The following CADM2 variants were observed in gnomAD, a reference collection of about 807,000 sequenced individuals.
CADM2 encodes the protein cell adhesion molecule 2.
CADM2 carries 12 observed loss-of-function variants against 49.8 expected under a neutral mutation model. That is an observed-to-expected ratio of 0.24 (90% confidence interval 0.15 to 0.39). The LOEUF is 0.39. CADM2 is among the 10% of genes least tolerant of loss of function. The pLI is 1.00. For synonymous variants in CADM2, 214 were observed against 175.4 expected, an observed-to-expected ratio of 1.22 and a Z score of -1.74; for missense variants, 378 against 492.3, an observed-to-expected ratio of 0.77 and a Z score of 2.20.
At chr3:85,048,127 T>C (rs2035737955) in intron 1 of CADM2, among the ~76,000 whole-genome samples, 1 of 152,082 alleles carries the variant, frequency 6.6e-6, no homozygotes, top group Non-Finnish European at 1.5e-5. Flanking sequence ...ATTCAGCATG[T>C]TAAGTGCCAA....
chr3:85,740,704 G>A (rs7612213), intron 2 of CADM2, among the ~76,000 whole-genome samples: 23,853 of 152,070 alleles, frequency 0.16, 2,363 homozygotes, highest in Non-Finnish European at 0.21. Flanking sequence ...TTCAAGTCCC[G>A]AAACATCAGC....
At chr3:85,767,471 T>C (rs2069716465) in intron 2 of CADM2, among the ~76,000 whole-genome samples, 1 of 152,196 alleles carries the variant, frequency 6.6e-6, no homozygotes, top group Non-Finnish European at 1.5e-5. Context: ...TAAGAAGAAA[T>C]TAAATTTGCA....
At chr3:85,511,512 G>A (rs904937669) in intron 1 of CADM2, among the ~76,000 whole-genome samples, 2 of 151,986 alleles carry the variant, frequency 1.3e-5, no homozygotes, top group Non-Finnish European at 2.9e-5. Flanking sequence ...TTTGTAATAA[G>A]GATGTTTCTA....
chr3:85,754,274 T>G (rs146411941), intron 2 of CADM2, among the ~76,000 whole-genome samples: 4 of 152,162 alleles, frequency 2.6e-5, no homozygotes, highest in African/African-American at 4.8e-5. Context: ...ATTGGGAGAC[T>G]GCCATTCCCT....
chr3:85,718,882 T>TTTATTATTATTATTA (rs71112111), intron 1 of CADM2, among the ~76,000 whole-genome samples: 3 of 141,338 alleles, frequency 2.1e-5, no homozygotes, highest in East Asian at 2.1e-4. Context: ...TTAATGGTAT[T>TTTATTATTATTATTA]TTATTATTAT....
At chr3:85,985,251 G>C (rs1559783474) in intron 8 of CADM2, among the ~76,000 whole-genome samples, 1 of 151,938 alleles carries the variant, frequency 6.6e-6, no homozygotes, top group Non-Finnish European at 1.5e-5. Flanking sequence ...GTCTTTCCAT[G>C]TGTCCTCACA....
At chr3:85,484,111 G>A (rs1251038563) in intron 1 of CADM2, among the ~76,000 whole-genome samples, 1 of 151,680 alleles carries the variant, frequency 6.6e-6, no homozygotes, top group Admixed American at 6.6e-5. Context: ...ATAAAGTATA[G>A]CTTTTCCCTT....
chr3:85,299,896 A>AT (rs936492325), intron 1 of CADM2, among the ~76,000 whole-genome samples: 13 of 152,010 alleles, frequency 8.6e-5, no homozygotes, highest in Admixed American at 2.6e-4. Flanking sequence ...AGGTAAAAGT[A>AT]TTTTTTTTCT....
intron 3 of CADM2, among the ~76,000 whole-genome samples, chr3:85,853,017 G>A (rs139597360): frequency 0.016 from 2,454 of 152,042 alleles, 59 homozygotes; most frequent in African/African-American, 0.056. Flanking sequence ...TAAAAATATA[G>A]TATTTAAAAC....
intron 1 of CADM2, among the ~76,000 whole-genome samples, chr3:85,493,303 T>TA (rs2039753304): frequency 6.6e-6 from 1 of 152,150 alleles, no homozygotes; most frequent in South Asian, 2.1e-4. Flanking sequence ...AATTCCCTAT[T>TA]ATTCCCCAAT....
chr3:85,772,334 G>A (rs2070136550), intron 2 of CADM2, among the ~76,000 whole-genome samples: 1 of 151,712 alleles, frequency 6.6e-6, no homozygotes, highest in Admixed American at 6.6e-5. Context: ...TTCGAATATT[G>A]GAATTTTCTT....
At chr3:85,815,333 G>A (rs992558156) in intron 3 of CADM2, among the ~76,000 whole-genome samples, 3 of 152,108 alleles carry the variant, frequency 2.0e-5, no homozygotes, top group Non-Finnish European at 4.4e-5. Flanking sequence ...GAACATCGAT[G>A]CGAAAATCCT....
intron 1 of CADM2, among the ~76,000 whole-genome samples, chr3:85,101,839 GA>G (rs2038024279): frequency 6.6e-6 from 1 of 152,120 alleles, no homozygotes; most frequent in Admixed American, 6.6e-5. Flanking sequence ...ACAGACACTT[GA>G]TTCCATACTT....
At chr3:85,039,345 T>A (rs2035348610) in intron 1 of CADM2, among the ~76,000 whole-genome samples, 1 of 149,256 alleles carries the variant, frequency 6.7e-6, no homozygotes, top group Non-Finnish European at 1.5e-5. Flanking sequence ...GAGAATCTTT[T>A]TCTGTGATTT....
At chr3:85,247,160 C>T (rs1426344448) in intron 1 of CADM2, among the ~76,000 whole-genome samples, 2 of 151,976 alleles carry the variant, frequency 1.3e-5, no homozygotes, top group African/African-American at 4.8e-5. Flanking sequence ...TTAAATCATA[C>T]TCTGAAAAGG....
chr3:85,235,619 A>G (rs2042391223), intron 1 of CADM2, among the ~76,000 whole-genome samples: 1 of 152,124 alleles, frequency 6.6e-6, no homozygotes, highest in African/African-American at 2.4e-5. Flanking sequence ...TTTTATCATA[A>G]TCTCATTAAC....
intron 1 of CADM2, among the ~76,000 whole-genome samples, chr3:85,101,989 C>G (rs977106806): frequency 6.6e-6 from 1 of 152,092 alleles, no homozygotes; most frequent in South Asian, 2.1e-4. Context: ...AGAAGACTGA[C>G]AGGGGAATGT....
intron 1 of CADM2, among the ~76,000 whole-genome samples, chr3:85,263,673 G>T (rs1048157876): frequency 6.6e-5 from 10 of 151,852 alleles, no homozygotes; most frequent in Non-Finnish European, 1.2e-4. Flanking sequence ...TAATATTCAA[G>T]AATCTATTCC....
At chr3:85,163,276 G>A (rs2040379820) in intron 1 of CADM2, among the ~76,000 whole-genome samples, 1 of 152,062 alleles carries the variant, frequency 6.6e-6, no homozygotes, top group African/African-American at 2.4e-5. Context: ...TCATGACTGA[G>A]CAAATAGGTA....
Sources: allele counts gnomAD v4.1 joint callset (sites outside exome capture counted in the v4.1 genomes callset), GRCh38; gene constraint gnomAD v4.1.1; transcripts MANE v1.5; gene names NCBI Gene and HGNC (gene_info 2026-07-23, HGNC 2026-07-21).